SRMS: variants seen among roughly 807,000 people sequenced by gnomAD.
SRMS encodes the protein src-related kinase lacking C-terminal regulatory tyrosine and N-terminal myristylation sites, also known as tyrosine-protein kinase Srms.
A neutral mutation model predicts 43.5 loss-of-function variants in SRMS; 42 were observed. That is an observed-to-expected ratio of 0.97 (90% confidence interval 0.75 to 1.25). SRMS has a LOEUF of 1.25. Among genes scored for constraint, SRMS ranks in the 50% most tolerant of loss-of-function variants. SRMS has a pLI of 0.00. For missense variants in SRMS, 703 were observed against 681.0 expected, an observed-to-expected ratio of 1.03 and a Z score of -0.36; for synonymous variants, 316 against 308.2, an observed-to-expected ratio of 1.03 and a Z score of -0.27.
Position 63,540,179 on chromosome 20 carries a change from G to C in SRMS, c.*639C>G, listed in dbSNP as rs894970084. On this transcript the variant is annotated 3_prime_UTR_variant, in exon 8 of 8. Transcript: ENST00000217188. ...GGCTTACTGAGTGCTGTGTGCGTGA[G>C]TGGGTTTGTGCACAGGCCGCCAGTG... Among the ~76,000 whole-genome samples the C allele has an allele frequency of 6.6e-6, 1 of 152,240 alleles. No individual in the cohort carries two copies. The highest frequency in any genetic ancestry group is 2.4e-5 in the African/African-American group (1 of 41,460).
Position 63,547,353 on chromosome 20 carries a change from G to T in SRMS, c.111C>A (p.Asn37Lys). Residue 37 changes from asparagine to lysine, a missense_variant, in exon 1 of 8, where the codon AAC becomes AAA. Transcript: ENST00000217188. The part of the protein sequence containing the change: ...DHGTPGSLDP[N>K]TDPVPTLPAE... ...CGGGGAGCGTGGGCACTGGGTCAGT[G>T]TTGGGGTCCAGGGACCCGGGGGTGC... is the stretch of plus-strand genomic sequence containing the variant. 6.3e-7 allele frequency: 1 copy of T among 1,587,540 alleles called. No individual in the cohort carries two copies. The highest frequency in any genetic ancestry group is 8.6e-7 in the Non-Finnish European group (1 of 1,166,592).
In SRMS at chr20:63,541,492, C is replaced by T. The variant is rs1488261762; in HGVS notation, c.1075G>A (p.Asp359Asn). Residue 359 changes from aspartate to asparagine, a missense_variant, in exon 6 of 8, where the codon GAC becomes AAC. Physicochemically the swap from Asp to Asn is conservative, Grantham distance 23 (BLOSUM62 1). Transcript: ENST00000217188. ...GCCACCTTGCAGGCCAGGCCGTCGT[C>T]CACGAGCACGTTCCGGGCGGCCAAG... Reference protein sequence around the residue: ...RDLAARNVLVDDGLACKVADF... With the variant: ...RDLAARNVLVNDGLACKVADF... The T allele has an allele frequency of 6.2e-7, 1 of 1,608,898 alleles. No homozygotes were observed.
chr20:63,547,093 G>C lies in SRMS; in HGVS notation c.356+15C>G. On this transcript the variant is annotated intron_variant, in intron 1 of 7. Coordinates refer to ENST00000217188, the MANE Select transcript of SRMS (RefSeq NM_080823.4). ...GGGGCGAGGCAGGCTCTGACTCCGA[G>C]GCCGAGGTACTCACGGTTGGTCTGA... is the stretch of plus-strand genomic sequence containing the variant. The C allele has an allele frequency of 2.0e-6, 3 of 1,527,424 alleles. No individual in the cohort carries two copies. In the South Asian group the frequency reaches 3.8e-5, roughly 19 times the overall value. The allele number at this position is 1,527,424 out of a possible 1,614,324, so 94.6% of individuals were successfully genotyped here. A position where few individuals can be genotyped will look rare whatever the true frequency, so the allele number is the denominator to read the frequency against.
At position 63,542,230 on chromosome 20, in the gene SRMS, C is replaced by T. The variant is rs756318161; in HGVS notation, c.879G>A (p.Ser293=). The T allele has an allele frequency of 1.2e-5, 19 of 1,612,604 alleles. 1 individual carries two copies. The highest frequency in any genetic ancestry group is 6.6e-5 in the South Asian group (6 of 91,092). The change falls in exon 5 of 8, where the codon TCG becomes TCA. Residue 293 remains serine, a synonymous_variant. Transcript: ENST00000217188. The part of the protein sequence containing the change: ...ERLIRLHAVC[S]GGEPVYIVTE... The stretch of plus-strand genomic sequence containing the variant: ...TGACGATGTACACAGGCTCCCCGCC[C>T]GAGCACACTGCGTGCAGCCGGATGA...
chr20:63,547,644 C>CGGCG lies in SRMS; in HGVS notation c.-185_-182dup, dbSNP rs2082741553. The CGGCG allele has an allele frequency of 3.4e-6, 2 of 583,612 alleles. No homozygotes were observed. Among genetic ancestry groups the CGGCG allele is most frequent in the Non-Finnish European group, 5.6e-6 (2 of 354,434 alleles). The allele number at this position is 583,612 out of a possible 1,614,324, so 36.2% of individuals were successfully genotyped here. Reference sequence around the variant, plus strand: ...GATCCAGGAGGCACACGGTTCCCACCGGCGTCCGGGCTGGCGTTGGGGCTG... The same window carrying CGGCG: ...GATCCAGGAGGCACACGGTTCCCACCGGCGGGCGTCCGGGCTGGCGTTGGGGCTG... On this transcript the variant is annotated 5_prime_UTR_variant, in exon 1 of 8. Transcript: ENST00000217188.
chr20:63,542,472 G>A lies in SRMS; in HGVS notation c.755C>T (p.Ser252Phe). 1.2e-6 allele frequency: 2 copies of A among 1,612,464 alleles called. No individual in the cohort carries two copies. Among genetic ancestry groups the A allele is most frequent in the South Asian group, 1.1e-5 (1 of 91,042 alleles). The change falls in exon 4 of 8, where the codon TCC becomes TTC. Residue 252 changes from serine to phenylalanine, a missense_variant. Ser to Phe is a radical substitution (Grantham distance 155, BLOSUM62 -2). Transcript: ENST00000217188. ...GATGACCTTGATCGCCACGGGCAGGGAGCCCAGCCACAGGCCTTCCCACAC... is the reference window on the plus strand; with the variant it reads ...GATGACCTTGATCGCCACGGGCAGGAAGCCCAGCCACAGGCCTTCCCACAC... Reference protein sequence around the residue: ...GEVWEGLWLGSLPVAIKVIKS... With the variant: ...GEVWEGLWLGFLPVAIKVIKS...
At chr20:63,541,389 G>T (rs528682510) in intron 6 of SRMS, 42 bp from the exon 7 acceptor site, 7 of 1,552,342 alleles carry the variant, frequency 4.5e-6, no homozygotes, top group South Asian at 1.2e-5. Context: ...GGTGGACCGG[G>T]GTCCCCTCAC....
rs1212989128 is a variant in SRMS, at chr20:63,547,147, T to A, written c.317A>T (p.His106Leu). ...QPSAGLVPIT[H>L]VAKASPETLS... ...CGTCTCAGGAGAAGCCTTGGCCACGTGGGTGATGGGCACGAGCCCGGCGCT... is the reference window on the plus strand; with the variant it reads ...CGTCTCAGGAGAAGCCTTGGCCACGAGGGTGATGGGCACGAGCCCGGCGCT... Residue 106 changes from histidine to leucine, a missense_variant, in exon 1 of 8, where the codon CAC becomes CTC. Transcript: ENST00000217188. The A allele has an allele frequency of 2.5e-6, 4 of 1,606,604 alleles. No homozygotes were observed. Among genetic ancestry groups the A allele is most frequent in the Middle Eastern group, 3.4e-4 (2 of 5,968 alleles).
At chr20:63,546,582 T>TCAGCCCC (rs536162373) in intron 1 of SRMS, among the ~76,000 whole-genome samples, 4,330 of 132,668 alleles carry the variant, frequency 0.033, 415 homozygotes, top group African/African-American at 0.16. Flanking sequence ...TGGGCCCGTC[T>TCAGCCCC]CAGCCCCCAG....
In SRMS at chr20:63,542,567, C is replaced by T. The variant is rs1300466485; in HGVS notation, c.660G>A (p.Gln220=). The T allele has an allele frequency of 6.3e-7, 1 of 1,598,646 alleles. No individual in the cohort carries two copies. ...QPCMPQKAPR[Q]DVWERPHSEF... ...CGGAGTGTGGCCGCTCCCACACGTC[C>T]TGCCTCGGGGCCTTCTGCAGGGAGG... Residue 220 remains glutamine, a synonymous_variant, in exon 4 of 8, where the codon CAG becomes CAA. Transcript: ENST00000217188.
Position 63,547,290 on chromosome 20 carries a change from C to A in SRMS, c.174G>T (p.Ala58=), listed in dbSNP as rs201255475. ...PCSPFPQLFL[A]LYDFTARCGG... ...CACACCGCGCCGTGAAGTCATAGAGCGCAAGGAAGAGCTGAGGGAAGGGGC... is the reference window on the plus strand; with the variant it reads ...CACACCGCGCCGTGAAGTCATAGAGAGCAAGGAAGAGCTGAGGGAAGGGGC... The change falls in exon 1 of 8, where the codon GCG becomes GCT. Residue 58 remains alanine (A), a synonymous_variant. Transcript: ENST00000217188. The A allele has an allele frequency of 1.8e-5, 29 of 1,606,332 alleles. No homozygotes were observed. In the Admixed American group the frequency reaches 2.5e-4, roughly 14 times the overall value.
intron 5 of SRMS, among the ~76,000 whole-genome samples, 200 bp from the exon 6 acceptor site, chr20:63,541,820 G>A (rs1022809575): frequency 3.3e-5 from 5 of 152,250 alleles, no homozygotes; most frequent in Non-Finnish European, 7.3e-5. Flanking sequence ...CCCGGCAGCC[G>A]GCCCAGGCCC....
intron 2 of SRMS, among the ~76,000 whole-genome samples, chr20:63,544,021 A>G (rs1244420931): frequency 6.6e-6 from 1 of 152,252 alleles, no homozygotes; most frequent in Non-Finnish European, 1.5e-5. Flanking sequence ...TGAATGAGTG[A>G]CTGAATGAAT....
chr20:63,543,227 G>A (rs760366268), intron 3 of SRMS, 87 bp downstream of exon 3: 16 of 1,514,100 alleles, frequency 1.1e-5, no homozygotes, highest in Non-Finnish European at 1.3e-5. Flanking sequence ...ACAGCCCCAG[G>A]GGTTTTGTGA....
chr20:63,543,912 T>C (rs187660127), intron 2 of SRMS, among the ~76,000 whole-genome samples: 1 of 152,148 alleles, frequency 6.6e-6, no homozygotes, highest in Non-Finnish European at 1.5e-5. Flanking sequence ...GATGAATGGA[T>C]GAATGAATGA....
At position 63,547,585 on chromosome 20, in the gene SRMS, G is replaced by T; in HGVS notation, c.-122C>A. ...CTGCCCTGGCCGTGGGGTGACAGGG[G>T]ACCCCGGCCCTGCGGTCACTCAGAG... On this transcript the variant is annotated 5_prime_UTR_variant, in exon 1 of 8. Transcript: ENST00000217188. 1.1e-6 allele frequency: 1 copy of T among 939,626 alleles called. No individual in the cohort carries two copies. The highest frequency in any genetic ancestry group is 1.5e-6 in the Non-Finnish European group (1 of 666,968). The allele number at this position is 939,626 out of a possible 1,614,324, so 58.2% of individuals were successfully genotyped here.
Position 63,539,065 on chromosome 20 carries a change from T to C in SRMS, c.*1753A>G, listed in dbSNP as rs747423866. Among the ~76,000 whole-genome samples the C allele has an allele frequency of 3.3e-5, 5 of 152,088 alleles. No individual in the cohort carries two copies. The highest frequency in any genetic ancestry group is 1.3e-4 in the Admixed American group (2 of 15,276). On this transcript the variant is annotated 3_prime_UTR_variant, in exon 8 of 8. Transcript: ENST00000217188. ...CAGAGGAGCCCCCAGGCTGCTGTGC[T>C]GGGGACCTGCCAGAACTGGAAGCTC...
chr20:63,546,762 A>G (rs762083721), intron 1 of SRMS, among the ~76,000 whole-genome samples: 6 of 152,108 alleles, frequency 3.9e-5, no homozygotes, highest in Middle Eastern at 3.4e-3. Context: ...ATCCATGAAC[A>G]CTGGACTCCC....
intron 2 of SRMS, 43 bp from the exon 3 acceptor site, chr20:63,543,523 G>A (rs368529141): frequency 1.1e-4 from 178 of 1,597,708 alleles, no homozygotes; most frequent in Non-Finnish European, 1.5e-4. Context: ...TTGGCTGCCA[G>A]CTGCCCCGAC....
Sources: allele counts gnomAD v4.1 joint callset (sites outside exome capture counted in the v4.1 genomes callset), GRCh38; gene constraint gnomAD v4.1.1; transcripts MANE v1.5; gene names NCBI Gene and HGNC (gene_info 2026-07-23, HGNC 2026-07-21).